The following PTBP3 variants were observed in gnomAD, a reference collection of about 807,000 sequenced individuals.
PTBP3 encodes polypyrimidine tract-binding protein 3.
In PTBP3, 20 loss-of-function variants were observed where a neutral mutation model predicts 58.7. The ratio of observed to expected loss-of-function variants is 0.34; its 90% CI spans 0.24 to 0.50. The LOEUF is 0.50. Among genes scored for constraint, PTBP3 ranks in the 20% least tolerant of loss-of-function variants. The pLI is 0.98. For missense variants in PTBP3, 509 were observed against 637.2 expected (o/e 0.80, Z 2.17); for synonymous variants, 185 against 219.8 (o/e 0.84, Z 1.40).
chr9:112,338,339 AAG>A (rs1829051268), upstream of PTBP3, among the ~76,000 whole-genome samples: 1 of 136,814 alleles, frequency 7.3e-6, no homozygotes, highest in African/African-American at 3.1e-5. Flanking sequence ...ACAAAATCTG[AAG>A]AGAAGTTATG....
chr9:112,255,541 T>TA (rs923405446), intron 5 of PTBP3, among the ~76,000 whole-genome samples: 7 of 152,168 alleles, frequency 4.6e-5, no homozygotes, highest in Admixed American at 1.3e-4. Context: ...TCTTCATTAC[T>TA]ACAGCCCAGG....
the PTBP3 span, among the ~76,000 whole-genome samples, chr9:112,379,313 TC>T: frequency 6.6e-5 from 10 of 152,382 alleles, no homozygotes; most frequent in East Asian, 1.9e-3. Flanking sequence ...AAACAGTTCC[TC>T]GTGTCTTCCT....
intron 1 of PTBP3, among the ~76,000 whole-genome samples, chr9:112,328,145 C>T (rs865933708): frequency 7.9e-5 from 12 of 152,332 alleles, no homozygotes; most frequent in Admixed American, 6.5e-4. Context: ...GAAATCCACT[C>T]TTGCCACTGG....
intron 1 of PTBP3, among the ~76,000 whole-genome samples, chr9:112,320,650 A>T (rs573251522): frequency 6.6e-6 from 1 of 152,160 alleles, no homozygotes; most frequent in African/African-American, 2.4e-5. Flanking sequence ...TATACTATAA[A>T]CCCACCGTCA....
rs1554785599 is a variant in PTBP3 at position 112,222,355 on chromosome 9, C to CT, written c.*1495dup. 1.0e-6 allele frequency: 1 copy of CT among 984,848 alleles called. No individual in the cohort carries two copies. Among genetic ancestry groups the CT allele is most frequent in the Non-Finnish European group, 1.2e-6 (1 of 829,208 alleles). 61.0% of individuals were successfully genotyped at this position (984,848 alleles called of 1,614,324 possible). On this transcript the variant is annotated 3_prime_UTR_variant, in exon 14 of 14. Coordinates refer to ENST00000374257, the MANE Select transcript of PTBP3 (RefSeq NM_001163788.4). ...GGACAGAGTATGAGAAATAACCCAC[C>CT]TTCTCATACTCCAAATACGTGGGTA...
intron 3 of PTBP3, among the ~76,000 whole-genome samples, chr9:112,273,699 G>C (rs747475336): frequency 4.6e-5 from 7 of 152,176 alleles, no homozygotes; most frequent in Middle Eastern, 3.4e-3. Context: ...ACAGAGTGGA[G>C]AGACAGCCAA....
intron 7 of PTBP3, among the ~76,000 whole-genome samples, chr9:112,242,397 C>T (rs1835693896): frequency 1.6e-5 from 1 of 62,388 alleles, no homozygotes; most frequent in African/African-American, 1.0e-4. Context: ...TTTCAAGCAG[C>T]GGAGCACTAA....
chr9:112,285,084 C>A (rs1342959387), intron 2 of PTBP3, among the ~76,000 whole-genome samples: 1 of 152,160 alleles, frequency 6.6e-6, no homozygotes, highest in Non-Finnish European at 1.5e-5. Context: ...TGTGTTTCCA[C>A]CAAATCTCAT....
intron 6 of PTBP3, 184 bp downstream of exon 6, chr9:112,252,494 T>G (rs893357474): frequency 5.4e-5 from 31 of 571,986 alleles, no homozygotes; most frequent in Non-Finnish European, 9.4e-5. Context: ...CCGTTTCATA[T>G]GAAGTAGTAA....
At chr9:112,292,507 A>G (rs1393357200) in intron 2 of PTBP3, among the ~76,000 whole-genome samples, 1 of 152,226 alleles carries the variant, frequency 6.6e-6, no homozygotes, top group Non-Finnish European at 1.5e-5. Flanking sequence ...ACAATAGCAC[A>G]ATAGCTAAGA....
chr9:112,269,036 A>T (rs1321688728), intron 3 of PTBP3, among the ~76,000 whole-genome samples: 1 of 151,954 alleles, frequency 6.6e-6, no homozygotes, highest in Non-Finnish European at 1.5e-5. Flanking sequence ...TCTCTACTAA[A>T]ACTATAAAAA....
intron 7 of PTBP3, among the ~76,000 whole-genome samples, chr9:112,250,172 TA>T (rs1226202989): frequency 6.6e-6 from 1 of 152,116 alleles, no homozygotes; most frequent in Non-Finnish European, 1.5e-5. Context: ...AAATACTACT[TA>T]AAGTCCCAAT....
chr9:112,248,477 T>G (rs1280830239), intron 7 of PTBP3, among the ~76,000 whole-genome samples: 1 of 152,056 alleles, frequency 6.6e-6, no homozygotes, highest in East Asian at 1.9e-4. Context: ...AAATCACCAC[T>G]AAAGAACTTA....
intron 2 of PTBP3, among the ~76,000 whole-genome samples, chr9:112,279,204 T>C (rs973015559): frequency 1.3e-5 from 2 of 152,170 alleles, no homozygotes; most frequent in Non-Finnish European, 2.9e-5. Context: ...TTCAAATGTA[T>C]TGGACACATA....
the PTBP3 span, among the ~76,000 whole-genome samples, chr9:112,370,125 T>C: frequency 1.3e-5 from 2 of 152,178 alleles, no homozygotes; most frequent in Admixed American, 1.3e-4. Context: ...TTAATAGCAG[T>C]ATAAAAATGG....
intron 1 of PTBP3, among the ~76,000 whole-genome samples, chr9:112,317,036 T>C (rs915839977): frequency 6.6e-6 from 1 of 150,942 alleles, no homozygotes; most frequent in Admixed American, 6.6e-5. Flanking sequence ...TCCCAGCACT[T>C]TGGGAGGCCA....
chr9:112,320,303 T>TAC (rs1829880663), intron 1 of PTBP3, among the ~76,000 whole-genome samples: 1 of 53,412 alleles, frequency 1.9e-5, no homozygotes, highest in Non-Finnish European at 3.1e-5. Context: ...TATATATATA[T>TAC]ATATATATAT....
downstream of PTBP3, chr9:112,218,370 G>A (rs934112043): frequency 1.3e-5 from 2 of 152,420 alleles, no homozygotes; most frequent in Non-Finnish European, 2.9e-5. Flanking sequence ...AAAGAAAATA[G>A]GACATCATTA....
At chr9:112,333,410 A>G (rs986697099) in intron 1 of PTBP3, 60 bp downstream of exon 1, 10 of 1,547,894 alleles carry the variant, frequency 6.5e-6, no homozygotes, top group African/African-American at 1.4e-5. Flanking sequence ...TCCCGCGGAG[A>G]GCCGGGTGGA....
Sources: allele counts gnomAD v4.1 joint callset (sites outside exome capture counted in the v4.1 genomes callset), GRCh38; gene constraint gnomAD v4.1.1; transcripts MANE v1.5; gene names NCBI Gene and HGNC (gene_info 2026-07-23, HGNC 2026-07-21).